The following NOX4 variants were observed in gnomAD, a reference collection of about 807,000 sequenced individuals.
The protein encoded by NOX4 is kidney oxidase-1.
In NOX4, 69 loss-of-function variants were observed where a neutral mutation model predicts 87.6. The observed-to-expected ratio is 0.79, with a 90% confidence interval of 0.65 to 0.96. The LOEUF (loss-of-function observed/expected upper bound fraction) is 0.96. Among genes scored for constraint, NOX4 ranks in the 40% least tolerant of loss-of-function variants. The pLI is 0.00. For missense variants in NOX4, 680 were observed against 681.5 expected (o/e 1.00, Z 0.02); for synonymous variants, 275 against 238.2 (o/e 1.15, Z -1.42).
chr11:89,464,426 T>C (rs973895995), intron 2 of NOX4, among the ~76,000 whole-genome samples: 1 of 152,136 alleles, frequency 6.6e-6, no homozygotes, highest in African/African-American at 2.4e-5. Flanking sequence ...GTGAGGAAAA[T>C]GGAGACGGAC....
chr11:89,580,945 G>A, the NOX4 span, among the ~76,000 whole-genome samples: 2 of 152,198 alleles, frequency 1.3e-5, no homozygotes, highest in South Asian at 4.1e-4. Context: ...ACTCCAAGGA[G>A]AAAACAATAT....
intron 6 of NOX4, among the ~76,000 whole-genome samples, chr11:89,434,931 A>C (rs942909018): frequency 6.6e-6 from 1 of 152,108 alleles, no homozygotes; most frequent in Non-Finnish European, 1.5e-5. Context: ...ACTATTCTTC[A>C]GTGATAGAAA....
At chr11:89,461,760 A>G (rs971972959) in intron 2 of NOX4, among the ~76,000 whole-genome samples, 2 of 152,184 alleles carry the variant, frequency 1.3e-5, no homozygotes, top group African/African-American at 2.4e-5. Context: ...ACATCTTATA[A>G]GTCACAGGTC....
At chr11:89,353,368 C>T (rs1377073954) in intron 13 of NOX4, among the ~76,000 whole-genome samples, 1 of 152,114 alleles carries the variant, frequency 6.6e-6, no homozygotes, top group Non-Finnish European at 1.5e-5. Context: ...AACCACCTTC[C>T]TAATCAGTCA....
chr11:89,565,003 G>T, the NOX4 span, among the ~76,000 whole-genome samples: 1 of 151,978 alleles, frequency 6.6e-6, no homozygotes, highest in Non-Finnish European at 1.5e-5. Context: ...AATAAAAGCA[G>T]GATAACTTAA....
chr11:89,552,424 ATCTT>A, the NOX4 span, among the ~76,000 whole-genome samples: 2 of 152,146 alleles, frequency 1.3e-5, no homozygotes, highest in African/African-American at 4.8e-5. Flanking sequence ...TTGGTAGTTT[ATCTT>A]TCTGTCTCTT....
chr11:89,437,666 T>C (rs1944147040), intron 6 of NOX4, among the ~76,000 whole-genome samples: 1 of 152,130 alleles, frequency 6.6e-6, no homozygotes, highest in Non-Finnish European at 1.5e-5. Context: ...AATGTTTACC[T>C]AGGACCCTGC....
chr11:89,502,288 A>G (rs1214606267), upstream of NOX4, among the ~76,000 whole-genome samples: 2 of 152,080 alleles, frequency 1.3e-5, no homozygotes, highest in African/African-American at 4.8e-5. Context: ...CTGCTCAGCT[A>G]GATGCAACAT....
chr11:89,521,698 A>G, the NOX4 span, among the ~76,000 whole-genome samples: 1 of 152,188 alleles, frequency 6.6e-6, no homozygotes, highest in Non-Finnish European at 1.5e-5. Context: ...AATTAAACAA[A>G]AGAGTTTCTG....
intron 2 of NOX4, among the ~76,000 whole-genome samples, chr11:89,482,482 A>T (rs1946429169): frequency 2.0e-5 from 3 of 152,062 alleles, no homozygotes; most frequent in African/African-American, 7.2e-5. Context: ...AAATTAAGAC[A>T]TACACACAGA....
At chr11:89,543,578 G>A in the NOX4 span, among the ~76,000 whole-genome samples, 2 of 152,070 alleles carry the variant, frequency 1.3e-5, no homozygotes, top group Non-Finnish European at 2.9e-5. Context: ...AAAAGTGATA[G>A]AATGATAAAT....
At chr11:89,336,540 A>C (rs1023313056) in intron 16 of NOX4, among the ~76,000 whole-genome samples, 4 of 152,004 alleles carry the variant, frequency 2.6e-5, no homozygotes, top group Admixed American at 1.3e-4. Flanking sequence ...ATGGCTGTGA[A>C]CAGGCTCCTG....
At chr11:89,560,500 T>C in the NOX4 span, among the ~76,000 whole-genome samples, 2 of 152,020 alleles carry the variant, frequency 1.3e-5, no homozygotes, top group African/African-American at 4.8e-5. Context: ...AAGGAGTACT[T>C]AGAGAACTGA....
At chr11:89,460,915 C>T (rs1945431235) in intron 2 of NOX4, among the ~76,000 whole-genome samples, 1 of 152,140 alleles carries the variant, frequency 6.6e-6, no homozygotes, top group Non-Finnish European at 1.5e-5. Context: ...ACCCAAATGT[C>T]CAACAATGAT....
In NOX4 at chr11:89,490,439, C is replaced by T. The variant is rs373243429; in HGVS notation, c.153+19G>A. 7 of 1,536,130 alleles carry T rather than the reference C, an allele frequency of 4.6e-6. No homozygotes were observed. The highest frequency in any genetic ancestry group is 6.3e-6 in the Non-Finnish European group (7 of 1,109,114). ...TGTTAAACCCATTCCACCAGATTAT[C>T]CAAGTTCACCTTACTTACCCCCAAC... On this transcript the variant is annotated intron_variant, in intron 2 of 17. Transcript: ENST00000263317.
At chr11:89,546,795 C>G in the NOX4 span, 1 of 152,056 alleles carries the variant, frequency 6.6e-6, no homozygotes, top group African/African-American at 2.4e-5. Context: ...CACTCCTGTG[C>G]CAACTAACCC....
intron 2 of NOX4, among the ~76,000 whole-genome samples, chr11:89,484,764 C>T (rs143670647): frequency 2.6e-5 from 4 of 151,998 alleles, no homozygotes; most frequent in Non-Finnish European, 5.9e-5. Context: ...ACCCATTTCA[C>T]CCATCAATAA....
intron 16 of NOX4, among the ~76,000 whole-genome samples, chr11:89,336,290 T>C (rs1945712640): frequency 6.6e-6 from 1 of 151,922 alleles, no homozygotes; most frequent in Non-Finnish European, 1.5e-5. Context: ...AGACTTCAGT[T>C]AGTTGTTTCA....
chr11:89,368,892 C>G (rs569416687), intron 12 of NOX4, among the ~76,000 whole-genome samples: 1 of 152,180 alleles, frequency 6.6e-6, no homozygotes, highest in East Asian at 1.9e-4. Context: ...TACTTAACAA[C>G]TCCACATCCT....
Sources: allele counts gnomAD v4.1 joint callset (sites outside exome capture counted in the v4.1 genomes callset), GRCh38; gene constraint gnomAD v4.1.1; transcripts MANE v1.5; gene names NCBI Gene and HGNC (gene_info 2026-07-23, HGNC 2026-07-21).